The following TTYH2 variants were observed in gnomAD, a reference collection of about 807,000 sequenced individuals.
TTYH2 encodes the protein protein tweety homolog 2.
Under a neutral mutation model 68.3 loss-of-function variants are expected in TTYH2, and 49 were observed. That is an observed-to-expected ratio of 0.72 (90% CI 0.57 to 0.91). The LOEUF is 0.91. Ranked by LOEUF, TTYH2 falls within the 40% of genes least tolerant of loss-of-function variation. The probability of loss-of-function intolerance (pLI) is 0.00; values close to 1 mark genes in which losing one functional copy is unlikely to be tolerated. For missense variants in TTYH2, 631 were observed against 700.4 expected (o/e 0.90, Z 1.12); for synonymous variants, 272 against 300.8 (o/e 0.90, Z 0.99).
At chr17:74,229,069 G>A (rs2050360962) in intron 2 of TTYH2, among the ~76,000 whole-genome samples, 2 of 152,178 alleles carry the variant, frequency 1.3e-5, no homozygotes, top group Admixed American at 1.3e-4. Flanking sequence ...GGAGGCAGGT[G>A]TCAGCTCAGT....
intron 2 of TTYH2, among the ~76,000 whole-genome samples, chr17:74,227,121 CT>C (rs1360550629): frequency 6.6e-6 from 1 of 152,112 alleles, no homozygotes; most frequent in African/African-American, 2.4e-5. Flanking sequence ...ATTACAGGCA[CT>C]CGCCACCATG....
rs1467148060 is a variant in TTYH2 at position 74,260,581 on chromosome 17, CT to C, written c.*373del. ...CCATCAAGAGAGCTGTGTGTTCTCTCTGGTCCCACAACGATGACTCTGCCTC... is the reference window on the plus strand; with the variant it reads ...CCATCAAGAGAGCTGTGTGTTCTCTCGGTCCCACAACGATGACTCTGCCTC... On this transcript the variant is annotated 3_prime_UTR_variant, in exon 14 of 14. Transcript: ENST00000269346. The C allele has an allele frequency of 7.2e-6, 2 of 277,866 alleles. No individual in the cohort carries two copies. The highest frequency in any genetic ancestry group is 4.2e-5 in the Admixed American group (1 of 23,704). The allele number at this position is 277,866 out of a possible 1,614,324, so 17.2% of individuals were successfully genotyped here.
chr17:74,245,951 T>C (rs2050553447), intron 6 of TTYH2, among the ~76,000 whole-genome samples: 1 of 149,494 alleles, frequency 6.7e-6, no homozygotes, highest in African/African-American at 2.5e-5. Context: ...AGCACTGCCC[T>C]GGAGATCTGC....
At chr17:74,234,672 T>C (rs910516271) in intron 3 of TTYH2, among the ~76,000 whole-genome samples, 1 of 151,396 alleles carries the variant, frequency 6.6e-6, no homozygotes, top group African/African-American at 2.4e-5. Flanking sequence ...TAAGGAGGAG[T>C]TTAAGAAATA....
At position 74,214,218 on chromosome 17, in the gene TTYH2, C is replaced by T. The variant is rs1354259067; in HGVS notation, c.129+502C>T. 6.6e-6 allele frequency among the ~76,000 whole-genome samples: 1 copy of T among 152,124 alleles called. No homozygotes were observed. Among genetic ancestry groups the T allele is most frequent in the African/African-American group, 2.4e-5 (1 of 41,486 alleles). Reference sequence around the variant, plus strand: ...GTCTCCCGAGTCGGTCTTCGCAGCACCCCTCCTCCCCAGCCCCGGCCTGCA... The same window carrying T: ...GTCTCCCGAGTCGGTCTTCGCAGCATCCCTCCTCCCCAGCCCCGGCCTGCA... On this transcript the variant is annotated intron_variant, in intron 1 of 13. Coordinates refer to ENST00000269346, the MANE Select transcript of TTYH2 (RefSeq NM_032646.6). The surrounding 1 kb of genome is among the most constrained non-coding windows in gnomAD (Gnocchi z 4.6).
At chr17:74,237,621 A>ATTT in intron 4 of TTYH2, 107 bp downstream of exon 4, 1 of 899,054 alleles carries the variant, frequency 1.1e-6, no homozygotes, top group Non-Finnish European at 1.6e-6. Context: ...ACTGGAAAGT[A>ATTT]TTTTTTTTTT....
rs143921222 is a variant in TTYH2, at chr17:74,252,943, C to T, written c.1260-138C>T. 52 of 830,662 alleles carry T rather than the reference C, an allele frequency of 6.3e-5. No homozygotes were observed. The African/African-American group carries it at 7.6e-4, about 12-fold the overall frequency. The allele number at this position is 830,662 out of a possible 1,614,324, so 51.5% of individuals were successfully genotyped here. On this transcript the variant is annotated intron_variant, in intron 11 of 13. Coordinates refer to ENST00000269346, the MANE Select transcript of TTYH2 (RefSeq NM_032646.6). ...GATCTGCAGGAGGCAGGCTGGGGAC[C>T]GCGTTTTAGAGGAGTCTCAAGGAGA... is the stretch of plus-strand genomic sequence containing the variant.
At position 74,232,162 on chromosome 17, in the gene TTYH2, G is replaced by T. The variant is rs955537925; in HGVS notation, c.414+1163G>T. 1.3e-5 allele frequency among the ~76,000 whole-genome samples: 2 copies of T among 152,316 alleles called. No individual in the cohort carries two copies. The highest frequency in any genetic ancestry group is 2.4e-5 in the African/African-American group (1 of 41,562). ...GCCCCAACAGGAGAATTTGGCCATT[G>T]CCCCGGCATCCTCCAGAAGAGGATT... On this transcript the variant is annotated intron_variant, in intron 3 of 13. Coordinates refer to ENST00000269346, the MANE Select transcript of TTYH2 (RefSeq NM_032646.6). This position sits in a 1 kb window ranked among gnomAD's most constrained non-coding sequence, Gnocchi z 5.1.
chr17:74,257,906 C>T (rs1369170090), intron 13 of TTYH2, among the ~76,000 whole-genome samples: 2 of 152,144 alleles, frequency 1.3e-5, no homozygotes, highest in African/African-American at 4.8e-5. Flanking sequence ...GTAATCCCAG[C>T]ACTTTGGGAG....
At chr17:74,242,396 G>T (rs970406038) in intron 4 of TTYH2, among the ~76,000 whole-genome samples, 26 of 152,198 alleles carry the variant, frequency 1.7e-4, no homozygotes, top group Admixed American at 6.5e-4. Context: ...GAAGTTTTTT[G>T]TTGTTGTTGT....
rs1026923947 is a variant in TTYH2 at position 74,217,980 on chromosome 17, C to T, written c.129+4264C>T. Among the ~76,000 whole-genome samples the T allele has an allele frequency of 7.2e-5, 11 of 152,114 alleles. No homozygotes were observed. The highest frequency in any genetic ancestry group is 1.2e-4 in the Non-Finnish European group (8 of 67,986). ...GGGCACAGTGGGAGGCGTGGGGAGG[C>T]GTGGGAAATTGTCTTGGCAAAGCTC... On this transcript the variant is annotated intron_variant, in intron 1 of 13. Coordinates refer to ENST00000269346, the MANE Select transcript of TTYH2 (RefSeq NM_032646.6). The surrounding 1 kb of genome is among the most constrained non-coding windows in gnomAD (Gnocchi z 4.0).
intron 6 of TTYH2, among the ~76,000 whole-genome samples, chr17:74,244,276 T>C (rs569718716): frequency 1.3e-5 from 2 of 152,336 alleles, no homozygotes; most frequent in East Asian, 3.9e-4. Flanking sequence ...GATAAGACAC[T>C]CATGCTTCAT....
chr17:74,219,342 T>C (rs2050252913), intron 1 of TTYH2, among the ~76,000 whole-genome samples: 1 of 146,230 alleles, frequency 6.8e-6, no homozygotes, highest in African/African-American at 2.8e-5. Context: ...TGAGCCGAGA[T>C]TGTACCACTG....
At chr17:74,243,956 T>G in intron 5 of TTYH2, 21 bp from the exon 6 acceptor site, 1 of 1,609,084 alleles carries the variant, frequency 6.2e-7, no homozygotes, top group Non-Finnish European at 8.5e-7. Flanking sequence ...CTGCCAACGT[T>G]GTCGCCTGCC....
chr17:74,253,974 G>C, intron 13 of TTYH2, 141 bp downstream of exon 13: 1 of 821,490 alleles, frequency 1.2e-6, no homozygotes. Context: ...GACCGTCGTG[G>C]GTATCCCAGG....
At chr17:74,259,113 T>A (rs1598237698) in intron 13 of TTYH2, among the ~76,000 whole-genome samples, 1 of 152,322 alleles carries the variant, frequency 6.6e-6, no homozygotes, top group African/African-American at 2.4e-5. Context: ...TACTCTGTAC[T>A]GGGTCATGCT....
rs536712667 is a variant in TTYH2 at position 74,252,275 on chromosome 17, C to G, written c.1158C>G (p.Leu386=). Residue 386 remains leucine (L), a synonymous_variant, in exon 11 of 14, where the codon CTC becomes CTG. Coordinates refer to ENST00000269346, the MANE Select transcript of TTYH2 (RefSeq NM_032646.6). ...TTGCTGGCATCTGCTACGACGGCCTCCAGGGCTTGCTGTACCTTGGCCTCT... is the reference window on the plus strand; with the variant it reads ...TTGCTGGCATCTGCTACGACGGCCTGCAGGGCTTGCTGTACCTTGGCCTCT... ...DALAGICYDG[L]QGLLYLGLFS... is the part of the protein sequence containing the mutation. The G allele has an allele frequency of 6.2e-7, 1 of 1,613,748 alleles. No individual in the cohort carries two copies. Among genetic ancestry groups the G allele is most frequent in the Admixed American group, 1.7e-5 (1 of 60,030 alleles).
Position 74,232,272 on chromosome 17 carries a change from C to T in TTYH2, c.414+1273C>T, listed in dbSNP as rs574883444. ...CAACAAGGGGGGTCGGGGGTGTCAC[C>T]TTAAAGAGACAGCTGTGCTGCTCCT... On this transcript the variant is annotated intron_variant, in intron 3 of 13. Transcript: ENST00000269346. The surrounding 1 kb of genome is among the most constrained non-coding windows in gnomAD (Gnocchi z 5.1). 6.6e-6 allele frequency among the ~76,000 whole-genome samples: 1 copy of T among 152,184 alleles called. No individual in the cohort carries two copies. The highest frequency in any genetic ancestry group is 1.5e-5 in the Non-Finnish European group (1 of 68,030).
rs2050194495 is a variant in TTYH2 at position 74,213,736 on chromosome 17, G to C, written c.129+20G>C. Reference sequence around the variant, plus strand: ...CAGGAGGTAAGTTTACGCCGCCCCAGACCGCAGCCACGCGCGCCCCAAGTC... The same window carrying C: ...CAGGAGGTAAGTTTACGCCGCCCCACACCGCAGCCACGCGCGCCCCAAGTC... On this transcript the variant is annotated intron_variant, in intron 1 of 13. Transcript: ENST00000269346. This position sits in a 1 kb window ranked among gnomAD's most constrained non-coding sequence, Gnocchi z 6.1. 3 of 1,606,354 alleles carry C rather than the reference G, an allele frequency of 1.9e-6. No homozygotes were observed. In the African/African-American group the frequency reaches 4.0e-5, roughly 22 times the overall value.
Sources: gnomAD v4.1 joint callset for allele counts (sites outside exome capture counted in the v4.1 genomes callset) on GRCh38, gnomAD v4.1.1 for gene constraint, Gnocchi (gnomAD v3.1) non-coding constraint, MANE v1.5 for transcripts, NCBI Gene and HGNC (gene_info 2026-07-23, HGNC 2026-07-21) for gene names.